The following CSNK1G1 variants were observed in gnomAD, a reference collection of about 807,000 sequenced individuals.
The protein encoded by CSNK1G1 is casein kinase I isoform gamma-1.
In CSNK1G1, 22 loss-of-function variants were observed where a neutral mutation model predicts 59.6. That is an observed-to-expected ratio of 0.37 (90% CI 0.26 to 0.53). The LOEUF (loss-of-function observed/expected upper bound fraction) is 0.53. CSNK1G1 is among the 20% of genes least tolerant of loss of function. CSNK1G1 has a pLI of 0.89. For missense variants in CSNK1G1, 384 were observed against 519.5 expected (o/e 0.74, Z 2.54); for synonymous variants, 179 against 177.1 (o/e 1.01, Z -0.08).
chr15:64,273,620 G>C (rs1206558584), intron 2 of CSNK1G1, among the ~76,000 whole-genome samples: 1 of 152,028 alleles, frequency 6.6e-6, no homozygotes, highest in South Asian at 2.1e-4. Flanking sequence ...TAAGGAAAAC[G>C]GAAGGGTCTA....
At chr15:64,221,127 A>T (rs1256124347) in intron 4 of CSNK1G1, among the ~76,000 whole-genome samples, 1 of 152,224 alleles carries the variant, frequency 6.6e-6, no homozygotes, top group East Asian at 1.9e-4. Context: ...GCCAACTCTA[A>T]TCCTAATTAA....
chr15:64,246,075 C>T (rs1891737447), intron 4 of CSNK1G1, among the ~76,000 whole-genome samples: 2 of 151,908 alleles, frequency 1.3e-5, no homozygotes, highest in African/African-American at 4.8e-5. Context: ...TTCAAAATAG[C>T]CAGAAGAGTA....
rs1279356652 is a variant in CSNK1G1, at chr15:64,292,467, A to G, written c.181+7852T>C. Among the ~76,000 whole-genome samples the G allele has an allele frequency of 2.6e-5, 4 of 152,224 alleles. No individual in the cohort carries two copies. The East Asian group carries it at 7.7e-4, about 29-fold the overall frequency. ...GACACCAAAGATGGAAAAGATCAAA[A>G]AGGTTAATTTGTTGTGCCTCCATTT... On this transcript the variant is annotated intron_variant, in intron 2 of 11. Coordinates refer to ENST00000303052, the MANE Select transcript of CSNK1G1 (RefSeq NM_022048.5).
At chr15:64,259,051 C>T (rs930394451) in intron 3 of CSNK1G1, 150 bp downstream of exon 3, 31 of 613,978 alleles carry the variant, frequency 5.0e-5, no homozygotes, top group Admixed American at 1.9e-4. Context: ...ACTGTTAACA[C>T]TATAAATGAA....
chr15:64,288,302 A>C (rs543956228), intron 2 of CSNK1G1, among the ~76,000 whole-genome samples: 4 of 152,222 alleles, frequency 2.6e-5, no homozygotes, highest in African/African-American at 4.8e-5. Flanking sequence ...AAAATATGAC[A>C]TAAGTATATT....
chr15:64,199,269 A>AG (rs1377841313), intron 10 of CSNK1G1, among the ~76,000 whole-genome samples: 43 of 143,286 alleles, frequency 3.0e-4, no homozygotes, highest in African/African-American at 1.1e-3. Flanking sequence ...AAAAAAAAAA[A>AG]AAAGAAAAAG....
In CSNK1G1 at chr15:64,166,559, C is replaced by CCACACACA. The variant is rs367927993; in HGVS notation, c.*5364_*5371dup. Reference sequence around the variant, plus strand: ...ACACGCACTCACGTGCGCACACACACCACACACACACACAGACACGCAGTC... The same window carrying CCACACACA: ...ACACGCACTCACGTGCGCACACACACCACACACACACACACACACACAGACACGCAGTC... On this transcript the variant is annotated 3_prime_UTR_variant, in exon 12 of 12. Coordinates refer to ENST00000303052, the MANE Select transcript of CSNK1G1 (RefSeq NM_022048.5). The surrounding 1 kb of genome is among the most constrained non-coding windows in gnomAD (Gnocchi z 4.5). 2 of 152,180 alleles carry CCACACACA rather than the reference C, an allele frequency of 1.3e-5. No homozygotes were observed. The highest frequency in any genetic ancestry group is 2.9e-5 in the Non-Finnish European group (2 of 67,980). The allele number at this position is 152,180 out of a possible 1,614,324, so 9.4% of individuals were successfully genotyped here.
intron 4 of CSNK1G1, among the ~76,000 whole-genome samples, chr15:64,237,580 T>A (rs1026019059): frequency 3.3e-5 from 5 of 152,240 alleles, no homozygotes; most frequent in African/African-American, 4.8e-5. Context: ...TTTTTTCTAG[T>A]ATATCTTCAG....
At chr15:64,316,485 G>A (rs1014897103) in intron 1 of CSNK1G1, among the ~76,000 whole-genome samples, 5 of 137,010 alleles carry the variant, frequency 3.6e-5, no homozygotes, top group Non-Finnish European at 6.1e-5. Context: ...GCAGTAAGCT[G>A]AAATCATGCC....
chr15:64,186,493 G>A (rs1305313834), intron 10 of CSNK1G1, among the ~76,000 whole-genome samples: 1 of 149,438 alleles, frequency 6.7e-6, no homozygotes, highest in Non-Finnish European at 1.5e-5. Flanking sequence ...ATAAAATTGA[G>A]TTTTTTGTTT....
chr15:64,175,219 TTTTC>T (rs1205333094), intron 11 of CSNK1G1, among the ~76,000 whole-genome samples: 2 of 152,096 alleles, frequency 1.3e-5, no homozygotes, highest in Non-Finnish European at 2.9e-5. Flanking sequence ...AACCCAGTTG[TTTTC>T]TTTAATACAT....
intron 10 of CSNK1G1, chr15:64,181,297 C>T: frequency 1.3e-6 from 2 of 1,536,094 alleles, no homozygotes; most frequent in Non-Finnish European, 1.7e-6. Context: ...CCCAATCAGG[C>T]TTCTCTTGCA....
chr15:64,340,718 C>T (rs1327698366), intron 1 of CSNK1G1, among the ~76,000 whole-genome samples: 2 of 152,232 alleles, frequency 1.3e-5, no homozygotes, highest in East Asian at 3.9e-4. Context: ...CTTTGGGGGG[C>T]CGAGGCCAGA....
rs1218085247 is a variant in CSNK1G1, at chr15:64,229,018, C to CAAA, written c.293-12308_293-12306dup. On this transcript the variant is annotated intron_variant, in intron 4 of 11. Transcript: ENST00000303052. ...TGGGCGACAGAGTGAGACTCTGTCT[C>CAAA]AAAAAAAAAAAAAAAAAAAAGAAAA... Among the ~76,000 whole-genome samples the CAAA allele has an allele frequency of 9.1e-4, 60 of 65,794 alleles. 1 individual carries two copies. The highest frequency in any genetic ancestry group is 1.4e-3 in the African/African-American group (28 of 19,496). The allele number at this position is 65,794 out of a possible 152,430, so 43.2% of individuals were successfully genotyped here.
chr15:64,317,530 C>CTTT (rs57192493), intron 1 of CSNK1G1, among the ~76,000 whole-genome samples: 5 of 140,648 alleles, frequency 3.6e-5, no homozygotes, highest in Admixed American at 1.4e-4. Flanking sequence ...TAAGGTTTCT[C>CTTT]TTTTTTTTTT....
intron 4 of CSNK1G1, among the ~76,000 whole-genome samples, chr15:64,239,626 G>A (rs1372917198): frequency 6.6e-6 from 1 of 152,034 alleles, no homozygotes; most frequent in African/African-American, 2.4e-5. Context: ...CGATCCACTT[G>A]CCTTGGCCTC....
rs189504553 is a variant in CSNK1G1, at chr15:64,272,430, G to T, written c.182-13189C>A. Among the ~76,000 whole-genome samples, 38 of 152,096 alleles carry T rather than the reference G, an allele frequency of 2.5e-4. No individual in the cohort carries two copies. The East Asian group carries it at 7.3e-3, about 29-fold the overall frequency. On this transcript the variant is annotated intron_variant, in intron 2 of 11. Transcript: ENST00000303052. Reference sequence around the variant, plus strand: ...GACGGGGTTTCACCGTGTTAGCCAGGATGGTCTCAATCTCCTGACCTTGTG... The same window carrying T: ...GACGGGGTTTCACCGTGTTAGCCAGTATGGTCTCAATCTCCTGACCTTGTG...
chr15:64,288,779 AT>A (rs1894571019), intron 2 of CSNK1G1, among the ~76,000 whole-genome samples: 1 of 152,132 alleles, frequency 6.6e-6, no homozygotes, highest in African/African-American at 2.4e-5. Context: ...TTTCCTTAGG[AT>A]GCATGATGAC....
chr15:64,284,349 A>G (rs1307663321), intron 2 of CSNK1G1, among the ~76,000 whole-genome samples: 1 of 152,156 alleles, frequency 6.6e-6, no homozygotes, highest in African/African-American at 2.4e-5. Context: ...CAGTTTCCAC[A>G]AAGAAGCCAG....
Sources: allele counts gnomAD v4.1 joint callset (sites outside exome capture counted in the v4.1 genomes callset), GRCh38; gene constraint gnomAD v4.1.1; non-coding constraint Gnocchi (gnomAD v3.1); transcripts MANE v1.5; gene names NCBI Gene and HGNC (gene_info 2026-07-23, HGNC 2026-07-21).